The following VTI1A variants were observed in gnomAD, a reference collection of about 807,000 sequenced individuals.
VTI1A encodes vesicle transport through interaction with t-SNAREs homolog 1A.
Under a neutral mutation model 34.9 loss-of-function variants are expected in VTI1A, and 22 were observed. That is an observed-to-expected ratio of 0.63 (90% CI 0.45 to 0.90). The LOEUF (loss-of-function observed/expected upper bound fraction) is 0.90. Ranked by LOEUF, VTI1A falls within the 40% of genes least tolerant of loss-of-function variation. The pLI, the probability that VTI1A is intolerant of heterozygous loss-of-function variation, is 0.00. For missense variants in VTI1A, 268 were observed against 275.6 expected, an observed-to-expected ratio of 0.97 and a Z score of 0.20; for synonymous variants, 87 against 97.3, an observed-to-expected ratio of 0.89 and a Z score of 0.62.
chr10:112,504,844 G>A (rs1023212612), intron 3 of VTI1A, among the ~76,000 whole-genome samples: 1 of 152,046 alleles, frequency 6.6e-6, no homozygotes, highest in Non-Finnish European at 1.5e-5. Context: ...GGAGTAAAGG[G>A]GAGGTCACTG....
intron 7 of VTI1A, among the ~76,000 whole-genome samples, chr10:112,807,984 G>A (rs10885386): frequency 0.23 from 34,334 of 152,130 alleles, 4,622 homozygotes; most frequent in East Asian, 0.51. Context: ...TTGGGAGGCC[G>A]AGGCAAGAGG....
At chr10:112,478,236 G>T (rs1848344189) in intron 3 of VTI1A, among the ~76,000 whole-genome samples, 1 of 152,160 alleles carries the variant, frequency 6.6e-6, no homozygotes, top group Non-Finnish European at 1.5e-5. Flanking sequence ...AGTCAGAAAA[G>T]CCCAGGCAGT....
chr10:112,735,720 T>C (rs965265766), intron 7 of VTI1A, among the ~76,000 whole-genome samples: 1 of 152,148 alleles, frequency 6.6e-6, no homozygotes, highest in Non-Finnish European at 1.5e-5. Flanking sequence ...CAAAGCCTGC[T>C]CTTGGGTTAT....
chr10:112,696,959 A>G (rs1848811651), intron 7 of VTI1A, among the ~76,000 whole-genome samples: 1 of 152,226 alleles, frequency 6.6e-6, no homozygotes, highest in Non-Finnish European at 1.5e-5. Context: ...GCCAGTTTTT[A>G]TTCAATAAAG....
chr10:112,485,466 G>A (rs149593666), intron 3 of VTI1A, among the ~76,000 whole-genome samples: 91 of 152,162 alleles, frequency 6.0e-4, no homozygotes, highest in Non-Finnish European at 1.1e-3. Flanking sequence ...CATTTTCCCC[G>A]TAGTCCTTAT....
At chr10:112,542,881 A>G (rs1589881954) in intron 5 of VTI1A, among the ~76,000 whole-genome samples, 1 of 152,058 alleles carries the variant, frequency 6.6e-6, no homozygotes. Context: ...CCTGTGTCCA[A>G]GTGTTCTCAT....
chr10:112,456,815 A>G (rs1244451216), intron 1 of VTI1A, among the ~76,000 whole-genome samples: 4 of 152,212 alleles, frequency 2.6e-5, no homozygotes, highest in Admixed American at 6.5e-5. Context: ...GAATGAACCA[A>G]GGAAAGAGAA....
At chr10:112,714,858 A>G (rs953516076) in intron 7 of VTI1A, among the ~76,000 whole-genome samples, 7 of 152,188 alleles carry the variant, frequency 4.6e-5, no homozygotes, top group Admixed American at 3.3e-4. Context: ...GGCCTACATA[A>G]CTCATCTTGA....
intron 5 of VTI1A, among the ~76,000 whole-genome samples, chr10:112,596,193 AG>A (rs1844635869): frequency 6.6e-6 from 1 of 151,970 alleles, no homozygotes; most frequent in Non-Finnish European, 1.5e-5. Context: ...GGATAGCATT[AG>A]GAGATATACC....
chr10:112,550,610 A>T (rs940601138), intron 5 of VTI1A, among the ~76,000 whole-genome samples: 2 of 152,094 alleles, frequency 1.3e-5, no homozygotes, highest in Non-Finnish European at 2.9e-5. Context: ...TTAAAAAATA[A>T]TTTTTTATTG....
At chr10:112,652,726 C>CA (rs779424975) in intron 5 of VTI1A, among the ~76,000 whole-genome samples, 1,179 of 106,344 alleles carry the variant, frequency 0.011, 37 homozygotes, top group East Asian at 0.097. Context: ...GACCTTGTCT[C>CA]AAAAAAAAAA....
intron 3 of VTI1A, among the ~76,000 whole-genome samples, chr10:112,499,895 A>G (rs988988215): frequency 2.6e-5 from 4 of 152,134 alleles, no homozygotes; most frequent in Admixed American, 6.5e-5. Flanking sequence ...CTCTCTTGAC[A>G]TGTCACTCTC....
At chr10:112,841,134 G>A in the VTI1A span, among the ~76,000 whole-genome samples, 7 of 152,104 alleles carry the variant, frequency 4.6e-5, no homozygotes, top group South Asian at 6.2e-4. Flanking sequence ...AGTCCTCAGC[G>A]CACTAGCTTC....
chr10:112,573,410 GA>G (rs968178430), intron 5 of VTI1A, among the ~76,000 whole-genome samples: 54 of 149,656 alleles, frequency 3.6e-4, no homozygotes, highest in Admixed American at 6.7e-5. Flanking sequence ...TGTTTATTAG[GA>G]AAAAAAAACC....
chr10:112,447,824 G>A (rs746978371), intron 1 of VTI1A, among the ~76,000 whole-genome samples: 5 of 152,138 alleles, frequency 3.3e-5, no homozygotes, highest in African/African-American at 7.2e-5. Context: ...TGTAGCCTAT[G>A]GATCTACAAT....
intron 7 of VTI1A, chr10:112,737,920 G>T: frequency 1.1e-5 from 12 of 1,062,664 alleles, no homozygotes; most frequent in Non-Finnish European, 1.4e-5. Context: ...GCTGAGGATG[G>T]AGGTATGTCC....
intron 3 of VTI1A, among the ~76,000 whole-genome samples, chr10:112,465,806 A>G (rs917570891): frequency 2.0e-5 from 3 of 152,232 alleles, no homozygotes; most frequent in African/African-American, 7.2e-5. Flanking sequence ...AACAATGTGA[A>G]TATATTTAAC....
intron 7 of VTI1A, among the ~76,000 whole-genome samples, chr10:112,701,787 A>G (rs1590088307): frequency 6.6e-6 from 1 of 152,220 alleles, no homozygotes; most frequent in East Asian, 1.9e-4. Flanking sequence ...CCCAAGGTTA[A>G]GAAATGCAGA....
chr10:112,557,299 G>T (rs1452052556), intron 5 of VTI1A, among the ~76,000 whole-genome samples: 1 of 152,108 alleles, frequency 6.6e-6, no homozygotes, highest in Non-Finnish European at 1.5e-5. Flanking sequence ...ATAACTTGGA[G>T]TGTGTACCTT....
Sources: gnomAD v4.1 joint callset for allele counts (sites outside exome capture counted in the v4.1 genomes callset) on GRCh38, gnomAD v4.1.1 for gene constraint, MANE v1.5 for transcripts, NCBI Gene and HGNC (gene_info 2026-07-23, HGNC 2026-07-21) for gene names.